Variants in NUDCD1 observed in about 807,000 individuals in gnomAD.
NUDCD1 encodes the protein NudC domain containing 1, also known as nudC domain-containing protein 1.
NUDCD1 carries 60 observed loss-of-function variants against 67.8 expected under a neutral mutation model. The observed-to-expected ratio is 0.88, with a 90% confidence interval of 0.72 to 1.10. The LOEUF (loss-of-function observed/expected upper bound fraction) is 1.10, where lower values mean the gene tolerates loss of function less well. Ranked by LOEUF, NUDCD1 falls within the 50% of genes least tolerant of loss-of-function variation. The pLI is 0.00. For missense variants in NUDCD1, 643 were observed against 695.0 expected (o/e 0.93, Z 0.84); for synonymous variants, 244 against 230.8 (o/e 1.06, Z -0.52).
chr8:109,271,087 T>C lies in NUDCD1; in HGVS notation c.1217A>G (p.Glu406Gly). Reference protein sequence around the residue: ...DKEKPPCNAQELEECDIFFEE... With the variant: ...DKEKPPCNAQGLEECDIFFEE... ...AAAGAAAATATCACATTCTTCTAAC[T>C]CTTGAGCATTGCAAGGTGGTTTTTC... The change falls in exon 8 of 10, where the codon GAG (glutamate) becomes GGG (glycine). Residue 406 changes from glutamate to glycine, a missense_variant. Coordinates refer to ENST00000239690, the MANE Select transcript of NUDCD1 (RefSeq NM_032869.4). The C allele has an allele frequency of 1.9e-6, 3 of 1,592,562 alleles. No individual in the cohort carries two copies. Among genetic ancestry groups the C allele is most frequent in the Non-Finnish European group, 2.6e-6 (3 of 1,164,222 alleles).
intron 8 of NUDCD1, among the ~76,000 whole-genome samples, chr8:109,260,904 T>C (rs1345586200): frequency 6.6e-6 from 1 of 152,240 alleles, no homozygotes; most frequent in East Asian, 1.9e-4. Flanking sequence ...AAGTAGAGAC[T>C]GTCTTGATTA....
chr8:109,283,262 A>G (rs1345877877), intron 5 of NUDCD1, among the ~76,000 whole-genome samples: 1 of 152,190 alleles, frequency 6.6e-6, no homozygotes, highest in Non-Finnish European at 1.5e-5. Flanking sequence ...AAAGAATTTT[A>G]AAAAAATGAA....
intron 2 of NUDCD1, among the ~76,000 whole-genome samples, chr8:109,308,062 T>C (rs1421202016): frequency 6.6e-6 from 1 of 152,114 alleles, no homozygotes; most frequent in East Asian, 1.9e-4. Flanking sequence ...CCTACACAGG[T>C]CATCAAGACA....
Position 109,245,464 on chromosome 8 carries a change from G to C in NUDCD1, c.1317C>G (p.Asn439Lys). Residue 439 changes from asparagine to lysine, a missense_variant, in exon 9 of 10, where the codon AAC (asparagine) becomes AAG (lysine). By Grantham distance (94) the Asn-to-Lys change is moderately conservative (BLOSUM62 0). Coordinates refer to ENST00000239690, the MANE Select transcript of NUDCD1 (RefSeq NM_032869.4). ...KTTHVVNLGSNQYLFSVIVDP... is the reference protein window; with the variant it reads ...KTTHVVNLGSKQYLFSVIVDP... ...CCACTATGACAGAGAAAAGGTACTG[G>C]TTGCTTCCAAGATTCACCTAAAAAG... 1 of 1,607,848 alleles carries C rather than the reference G, an allele frequency of 6.2e-7. No homozygotes were observed. Among genetic ancestry groups the C allele is most frequent in the Non-Finnish European group, 8.5e-7 (1 of 1,177,912 alleles).
chr8:109,279,165 G>T (rs2980608), intron 6 of NUDCD1, among the ~76,000 whole-genome samples: 54,845 of 152,014 alleles, frequency 0.36, 10,717 homozygotes, highest in South Asian at 0.5. Flanking sequence ...TTAAAAATAG[G>T]TATATGTTTA....
At chr8:109,290,578 CACAAG>C (rs897214039) in intron 4 of NUDCD1, among the ~76,000 whole-genome samples, 8 of 152,118 alleles carry the variant, frequency 5.3e-5, no homozygotes, top group Admixed American at 2.0e-4. Flanking sequence ...ATTTTTTTTA[CACAAG>C]ACATTTATCT....
chr8:109,306,743 TTTCA>T (rs1274261506), intron 2 of NUDCD1, among the ~76,000 whole-genome samples: 1 of 151,892 alleles, frequency 6.6e-6, no homozygotes, highest in Non-Finnish European at 1.5e-5. Flanking sequence ...AGCTTGTGTC[TTTCA>T]TTTAGTTTCT....
At chr8:109,273,018 G>A (rs1382104441) in intron 7 of NUDCD1, among the ~76,000 whole-genome samples, 1 of 152,090 alleles carries the variant, frequency 6.6e-6, no homozygotes, top group Non-Finnish European at 1.5e-5. Flanking sequence ...AAAAGTTCGG[G>A]ACTATCAAGG....
At chr8:109,279,318 G>C (rs984912029) in intron 6 of NUDCD1, among the ~76,000 whole-genome samples, 2 of 152,006 alleles carry the variant, frequency 1.3e-5, no homozygotes, top group Non-Finnish European at 2.9e-5. Flanking sequence ...GTCATGTATT[G>C]GTGTCTCACT....
In NUDCD1 at chr8:109,268,116, T is replaced by G. The variant is rs148467276; in HGVS notation, c.1299+2889A>C. 2.4e-3 allele frequency among the ~76,000 whole-genome samples: 364 copies of G among 152,336 alleles called. 1 individual carries two copies. The highest frequency in any genetic ancestry group is 3.8e-3 in the Non-Finnish European group (259 of 68,032). ...AAGCTGGAAAGATTGTCCCTTTTTA[T>G]TATATATTGGACTTCTTCCCCACTC... is the stretch of plus-strand genomic sequence containing the variant. On this transcript the variant is annotated intron_variant, in intron 8 of 9. Transcript: ENST00000239690.
intron 8 of NUDCD1, 119 bp from the exon 9 acceptor site, chr8:109,245,600 C>T (rs559721113): frequency 2.9e-6 from 2 of 682,600 alleles, no homozygotes; most frequent in South Asian, 4.2e-5. Context: ...TTTTTATATA[C>T]TTAATCTGAT....
intron 2 of NUDCD1, chr8:109,313,994 T>C (rs914032125): frequency 3.1e-5 from 11 of 357,422 alleles, no homozygotes; most frequent in Admixed American, 8.1e-5. Context: ...ATGTTTCTGA[T>C]TGTTTAGATC....
intron 8 of NUDCD1, among the ~76,000 whole-genome samples, chr8:109,265,049 T>C (rs1034301506): frequency 1.4e-4 from 21 of 151,880 alleles, no homozygotes; most frequent in African/African-American, 4.8e-4. Context: ...AGTAAACCCA[T>C]TGGGTGGTTA....
chr8:109,277,590 A>G (rs1814324191), intron 6 of NUDCD1, among the ~76,000 whole-genome samples: 1 of 152,230 alleles, frequency 6.6e-6, no homozygotes, highest in African/African-American at 2.4e-5. Flanking sequence ...AGTACAGAAA[A>G]TCGTGTTTTT....
intron 6 of NUDCD1, among the ~76,000 whole-genome samples, chr8:109,278,344 G>T (rs940823958): frequency 6.6e-6 from 1 of 152,108 alleles, no homozygotes; most frequent in African/African-American, 2.4e-5. Context: ...ACAGTTGTGG[G>T]GGGCAAAGGA....
intron 8 of NUDCD1, among the ~76,000 whole-genome samples, chr8:109,261,272 C>G (rs1047458765): frequency 6.6e-6 from 1 of 152,002 alleles, no homozygotes; most frequent in Non-Finnish European, 1.5e-5. Flanking sequence ...AAAAATTACA[C>G]AAGGACTACA....
rs994006000 is a variant in NUDCD1 at position 109,241,371 on chromosome 8, G to C, written c.*1638C>G. The C allele has an allele frequency of 1.9e-4, 29 of 152,090 alleles. No individual in the cohort carries two copies. Among genetic ancestry groups the C allele is most frequent in the African/African-American group, 7.0e-4 (29 of 41,434 alleles). The allele number at this position is 152,090 out of a possible 1,614,324, so 9.4% of individuals were successfully genotyped here. A position where few individuals can be genotyped will look rare whatever the true frequency, so the allele number is the denominator to read the frequency against. On this transcript the variant is annotated 3_prime_UTR_variant, in exon 10 of 10. Transcript: ENST00000239690. ...TGGGGAAAATTTTAGAGAAAATTTAGATCTACTTTCCCATCATAAAGATTT... is the reference window on the plus strand; with the variant it reads ...TGGGGAAAATTTTAGAGAAAATTTACATCTACTTTCCCATCATAAAGATTT...
chr8:109,278,529 T>C lies in NUDCD1; in HGVS notation c.1028+2439A>G, dbSNP rs111246516. Among the ~76,000 whole-genome samples, 976 of 152,306 alleles carry C rather than the reference T, an allele frequency of 6.4e-3. 15 individuals are homozygous for C. The highest frequency in any genetic ancestry group is 0.022 in the African/African-American group (909 of 41,574). ...TGAGGATACTGAATTATTTCCACCA[T>C]ACAGGCAGTTCCCTTGGCCTTTCTT... On this transcript the variant is annotated intron_variant, in intron 6 of 9. Transcript: ENST00000239690.
intron 8 of NUDCD1, among the ~76,000 whole-genome samples, chr8:109,259,415 G>A (rs1045518522): frequency 2.6e-5 from 4 of 152,284 alleles, no homozygotes; most frequent in African/African-American, 9.6e-5. Flanking sequence ...AGGCTAACTT[G>A]TTAGCTTGCA....
Sources: allele counts gnomAD v4.1 joint callset (sites outside exome capture counted in the v4.1 genomes callset), GRCh38; gene constraint gnomAD v4.1.1; transcripts MANE v1.5; gene names NCBI Gene and HGNC (gene_info 2026-07-23, HGNC 2026-07-21).